Variants in LAMA3 observed in about 807,000 individuals in gnomAD.
The protein encoded by LAMA3 is laminin subunit alpha 3, also known as laminin subunit alpha-3.
In LAMA3, 281 loss-of-function variants were observed where a neutral mutation model predicts 402.0. The observed-to-expected ratio is 0.70, with a 90% CI of 0.63 to 0.77. The LOEUF is 0.77. LAMA3 is among the 30% of genes least tolerant of loss of function. The pLI, the probability that LAMA3 is intolerant of heterozygous loss-of-function variation, is 0.00. For missense variants in LAMA3, 3,840 were observed against 4,215.5 expected (o/e 0.91, Z 2.47); for synonymous variants, 1,431 against 1,558.4 (o/e 0.92, Z 1.93).
chr18:23,898,096 A>G (rs755099845), intron 44 of LAMA3, among the ~76,000 whole-genome samples: 3 of 152,236 alleles, frequency 2.0e-5, no homozygotes. Context: ...AATGGAAAAT[A>G]ATCACCATTC....
At chr18:23,802,364 A>C (rs2062880596) in intron 12 of LAMA3, among the ~76,000 whole-genome samples, 1 of 152,204 alleles carries the variant, frequency 6.6e-6, no homozygotes, top group South Asian at 2.1e-4. Context: ...GAAGTGACAC[A>C]AATCTTCATT....
chr18:23,843,459 C>T (rs1218202847), intron 29 of LAMA3, among the ~76,000 whole-genome samples: 1 of 152,172 alleles, frequency 6.6e-6, no homozygotes, highest in African/African-American at 2.4e-5. Context: ...TACCACACCC[C>T]AGAGTCTTTC....
At chr18:23,743,077 T>C (rs2061590093) in intron 2 of LAMA3, among the ~76,000 whole-genome samples, 1 of 152,206 alleles carries the variant, frequency 6.6e-6, no homozygotes, top group Non-Finnish European at 1.5e-5. Context: ...AGACCAAAGA[T>C]GGTGCAGCCT....
chr18:23,704,583 CA>C (rs2060851796), intron 1 of LAMA3, among the ~76,000 whole-genome samples: 1 of 152,354 alleles, frequency 6.6e-6, no homozygotes, highest in Non-Finnish European at 1.5e-5. Flanking sequence ...TAGCTTGCCC[CA>C]GCATCTTTTG....
At chr18:23,923,375 C>A (rs755446502) in intron 62 of LAMA3, among the ~76,000 whole-genome samples, 1 of 152,110 alleles carries the variant, frequency 6.6e-6, no homozygotes, top group Non-Finnish European at 1.5e-5. Flanking sequence ...ATGAGGGTGA[C>A]CTGGCCCAAG....
intron 1 of LAMA3, among the ~76,000 whole-genome samples, chr18:23,710,875 G>A (rs2060977899): frequency 6.6e-6 from 1 of 151,950 alleles, no homozygotes; most frequent in Non-Finnish European, 1.5e-5. Flanking sequence ...TAAAGTCAAT[G>A]TTTACACTGA....
intron 60 of LAMA3, among the ~76,000 whole-genome samples, chr18:23,917,828 TTACTC>T (rs757604126): frequency 1.1e-4 from 17 of 152,304 alleles, no homozygotes; most frequent in Non-Finnish European, 2.2e-4. Flanking sequence ...TGTTGATAGT[TTACTC>T]TGTTGATAGT....
chr18:23,836,225 C>T (rs2063579230), intron 24 of LAMA3, among the ~76,000 whole-genome samples: 1 of 151,946 alleles, frequency 6.6e-6, no homozygotes, highest in Non-Finnish European at 1.5e-5. Flanking sequence ...TTTTATATAA[C>T]TTATCTCATT....
chr18:23,745,376 G>GA (rs1423694433), intron 2 of LAMA3, among the ~76,000 whole-genome samples: 1 of 152,142 alleles, frequency 6.6e-6, no homozygotes, highest in African/African-American at 2.4e-5. Flanking sequence ...TACAACTTTA[G>GA]AAAACCAATG....
chr18:23,753,939 A>G (rs2061797390), intron 6 of LAMA3, 127 bp downstream of exon 6: 1 of 731,528 alleles, frequency 1.4e-6, no homozygotes, highest in African/African-American at 1.7e-5. Flanking sequence ...GGATCAATGA[A>G]TAGGTGGGGG....
intron 15 of LAMA3, 27 bp downstream of exon 15, chr18:23,814,529 CTATAT>C (rs1200200262): frequency 7.2e-7 from 1 of 1,395,600 alleles, no homozygotes. Flanking sequence ...TCATAATTTA[CTATAT>C]TATAATGTTC....
chr18:23,825,032 G>A (rs2144433806), intron 21 of LAMA3, among the ~76,000 whole-genome samples: 1 of 152,186 alleles, frequency 6.6e-6, no homozygotes, highest in East Asian at 1.9e-4. Context: ...TAACCTAGAA[G>A]ACAAGCAGAT....
chr18:23,769,586 A>G (rs1445165456), intron 8 of LAMA3, among the ~76,000 whole-genome samples: 2 of 152,248 alleles, frequency 1.3e-5, no homozygotes, highest in Non-Finnish European at 2.9e-5. Flanking sequence ...GATACTTCTA[A>G]AGGTAATTTT....
chr18:23,931,337 T>C (rs948199674), intron 65 of LAMA3, 136 bp downstream of exon 65: 1 of 745,890 alleles, frequency 1.3e-6, no homozygotes, highest in African/African-American at 1.7e-5. Context: ...TTGTCCTTCT[T>C]CCTTTTTCCA....
chr18:23,848,300 C>G (rs550726169), intron 32 of LAMA3, among the ~76,000 whole-genome samples: 1 of 152,238 alleles, frequency 6.6e-6, no homozygotes, highest in South Asian at 2.1e-4. Context: ...TGCTAAGGGA[C>G]AGGTGGAGAC....
At chr18:23,857,598 C>T (rs903767175) in intron 32 of LAMA3, among the ~76,000 whole-genome samples, 5 of 152,250 alleles carry the variant, frequency 3.3e-5, no homozygotes, top group African/African-American at 1.2e-4. Context: ...GCGCCCTCAA[C>T]ACCTAGTGCT....
At chr18:23,895,340 TTTGTGTTAAG>T (rs1180285956) in intron 44 of LAMA3, among the ~76,000 whole-genome samples, 2 of 152,224 alleles carry the variant, frequency 1.3e-5, no homozygotes, top group Non-Finnish European at 2.9e-5. Context: ...CAAACACAGG[TTTGTGTTAAG>T]TTGGTATTAA....
intron 7 of LAMA3, among the ~76,000 whole-genome samples, chr18:23,761,079 T>G (rs1369906898): frequency 1.3e-5 from 2 of 152,186 alleles, no homozygotes; most frequent in African/African-American, 4.8e-5. Context: ...ATACATACTT[T>G]AAATACTCAA....
intron 32 of LAMA3, 41 bp downstream of exon 32, chr18:23,847,709 G>T: frequency 6.3e-7 from 1 of 1,580,016 alleles, no homozygotes; most frequent in South Asian, 1.1e-5. Context: ...GTCACAGGGA[G>T]GTCGCGTGCC....
Sources: gnomAD v4.1 joint callset for allele counts (sites outside exome capture counted in the v4.1 genomes callset) on GRCh38, gnomAD v4.1.1 for gene constraint, MANE v1.5 for transcripts, NCBI Gene and HGNC (gene_info 2026-07-23, HGNC 2026-07-21) for gene names.